FER1L5: variants seen among roughly 807,000 people sequenced by gnomAD.
The protein encoded by FER1L5 is fer-1 like family member 5.
Under a neutral mutation model 279.9 loss-of-function variants are expected in FER1L5, and 187 were observed. The observed-to-expected ratio is 0.67, with a 90% CI of 0.59 to 0.75. The LOEUF is 0.75. FER1L5 is among the 30% of genes least tolerant of loss of function. The probability of loss-of-function intolerance (pLI) is 0.00; values close to 1 mark genes in which losing one functional copy is unlikely to be tolerated. For missense variants in FER1L5, 2,091 were observed against 2,594.4 expected (o/e 0.81, Z 4.21); for synonymous variants, 921 against 989.7 (o/e 0.93, Z 1.30).
Position 96,689,464 on chromosome 2 carries a change from C to A in FER1L5, c.2525+88C>A. 1 of 1,520,536 alleles carries A rather than the reference C, an allele frequency of 6.6e-7. No homozygotes were observed. Among genetic ancestry groups the A allele is most frequent in the Non-Finnish European group, 8.8e-7 (1 of 1,130,546 alleles). 94.2% of individuals were successfully genotyped at this position (1,520,536 alleles called of 1,614,324 possible). The stretch of plus-strand genomic sequence containing the variant: ...GCAGCCCAGAAAGATGGGTACCTAG[C>A]CCCTAAGCCTGGTGCCAGAGGGCCG... On this transcript the variant is annotated intron_variant, in intron 25 of 52. Coordinates refer to ENST00000624922, the MANE Select transcript of FER1L5 (RefSeq NM_001293083.2). The surrounding 1 kb of genome is among the most constrained non-coding windows in gnomAD (Gnocchi z 4.6).
chr2:96,659,081 A>G (rs529814543), intron 9 of FER1L5, among the ~76,000 whole-genome samples: 218 of 151,550 alleles, frequency 1.4e-3, no homozygotes, highest in Non-Finnish European at 2.0e-3. Context: ...ACAGGCGCCC[A>G]CCACCACACC....
Position 96,698,576 on chromosome 2 carries a change from C to G in FER1L5, c.4357-95C>G. ...TCCCTGCCACCCTCAGCCCAACCCT[C>G]TCTCTCCTGAACATGGGCTGGGGCA... is the stretch of plus-strand genomic sequence containing the variant. On this transcript the variant is annotated intron_variant, in intron 40 of 52. Transcript: ENST00000624922. The surrounding 1 kb of genome is among the most constrained non-coding windows in gnomAD (Gnocchi z 5.5). 9.2e-7 allele frequency: 1 copy of G among 1,084,956 alleles called. No homozygotes were observed. Among genetic ancestry groups the G allele is most frequent in the Non-Finnish European group, 1.3e-6 (1 of 748,138 alleles). 67.2% of individuals were successfully genotyped at this position (1,084,956 alleles called of 1,614,324 possible). A position where few individuals can be genotyped will look rare whatever the true frequency, so the allele number is the denominator to read the frequency against.
chr2:96,703,808 CCT>C (rs1491504157), intron 51 of FER1L5, among the ~76,000 whole-genome samples, 176 bp downstream of exon 51: 1 of 124,226 alleles, frequency 8.0e-6, no homozygotes, highest in Non-Finnish European at 1.7e-5. Flanking sequence ...GCAAAAGTTG[CCT>C]TTTTTTTTTT....
At chr2:96,655,136 C>T (rs989418261) in intron 9 of FER1L5, among the ~76,000 whole-genome samples, 1 of 152,114 alleles carries the variant, frequency 6.6e-6, no homozygotes, top group African/African-American at 2.4e-5. Context: ...CAAATCTCTG[C>T]CTCCAGGAAG....
chr2:96,691,583 G>A lies in FER1L5; in HGVS notation c.3046G>A (p.Ala1016Thr), dbSNP rs939522468. ...RLAPNKDKGI[A>T]PIFLLEGSLA... The stretch of plus-strand genomic sequence containing the variant: ...GGCCCCCAACAAGGACAAGGGCATC[G>A]CGCCCATATTCCTCCTGGAGGGGTC... The change falls in exon 29 of 53, where the codon GCG becomes ACG. Residue 1016 changes from alanine (A) to threonine (T), a missense_variant. Ala to Thr is a moderately conservative substitution (Grantham distance 58). Coordinates refer to ENST00000624922, the MANE Select transcript of FER1L5 (RefSeq NM_001293083.2). This position sits in a 1 kb window ranked among gnomAD's most constrained non-coding sequence, Gnocchi z 6.0. 1.0e-4 allele frequency: 156 copies of A among 1,542,222 alleles called. No homozygotes were observed. Among genetic ancestry groups the A allele is most frequent in the Non-Finnish European group, 1.3e-4 (143 of 1,142,724 alleles).
rs1192941715 is a variant in FER1L5, at chr2:96,661,371, C to A, written c.825C>A (p.Asn275Lys). ...GGCTAGGCCTCTGCCAGCCAAATAA[C>A]CCTGGCAGTGGTGTGACAGGCTACC... The part of the protein sequence containing the change: ...RKWLGLCQPN[N>K]PGSGVTGYLK... The change falls in exon 11 of 53, where the codon AAC (asparagine) becomes AAA (lysine). Residue 275 changes from asparagine (N) to lysine (K), a missense_variant. Transcript: ENST00000624922. 5 of 1,551,524 alleles carry A rather than the reference C, an allele frequency of 3.2e-6. No homozygotes were observed. The highest frequency in any genetic ancestry group is 2.4e-5 in the East Asian group (1 of 40,930).
chr2:96,659,392 T>TCCTTC, intron 9 of FER1L5, among the ~76,000 whole-genome samples: 1 of 8,332 alleles, frequency 1.2e-4, no homozygotes, highest in Non-Finnish European at 1.8e-4. Context: ...TTTCTTTCTT[T>TCCTTC]CTTTCTTTCT....
In FER1L5 at chr2:96,691,588, C is replaced by T. The variant is rs1339228668; in HGVS notation, c.3051C>T (p.Pro1017=). The change falls in exon 29 of 53, where the codon CCC becomes CCT. Residue 1017 remains proline, a synonymous_variant. Coordinates refer to ENST00000624922, the MANE Select transcript of FER1L5 (RefSeq NM_001293083.2). The surrounding 1 kb of genome is among the most constrained non-coding windows in gnomAD (Gnocchi z 6.0). ...LAPNKDKGIA[P]IFLLEGSLAM... ...CCAACAAGGACAAGGGCATCGCGCC[C>T]ATATTCCTCCTGGAGGGGTCCTTGG... 2 of 1,538,698 alleles carry T rather than the reference C, an allele frequency of 1.3e-6. No individual in the cohort carries two copies. The highest frequency in any genetic ancestry group is 1.4e-5 in the African/African-American group (1 of 72,656).
At chr2:96,699,445 T>A in intron 42 of FER1L5, 105 bp from the exon 43 acceptor site, 1 of 1,299,540 alleles carries the variant, frequency 7.7e-7, no homozygotes, top group South Asian at 1.4e-5. Flanking sequence ...CTCTCCACAA[T>A]CTCCATGAAC....
At chr2:96,685,736 G>A (rs1358955980) in intron 21 of FER1L5, among the ~76,000 whole-genome samples, 7 of 152,204 alleles carry the variant, frequency 4.6e-5, no homozygotes, top group Admixed American at 4.6e-4. Flanking sequence ...GAGGAAGGGA[G>A]AGGACTGGAT....
chr2:96,696,670 G>A (rs1374889536), intron 37 of FER1L5, among the ~76,000 whole-genome samples: 2 of 152,140 alleles, frequency 1.3e-5, no homozygotes, highest in African/African-American at 2.4e-5. Flanking sequence ...GGAGGCTGAG[G>A]CGGGCATGTT....
At position 96,698,186 on chromosome 2, in the gene FER1L5, T is replaced by C. The variant is rs2077454434; in HGVS notation, c.4356+30T>C. The C allele has an allele frequency of 6.5e-6, 10 of 1,545,494 alleles. No individual in the cohort carries two copies. The highest frequency in any genetic ancestry group is 2.5e-5 in the East Asian group (1 of 40,754). On this transcript the variant is annotated intron_variant, in intron 40 of 52. Coordinates refer to ENST00000624922, the MANE Select transcript of FER1L5 (RefSeq NM_001293083.2). The surrounding 1 kb of genome is among the most constrained non-coding windows in gnomAD (Gnocchi z 5.5). ...GTGTCCACCCCAGCTTAGCTGCCCC[T>C]GTCTCCTTGTGCACCTTCTGTCCCT... is the stretch of plus-strand genomic sequence containing the variant.
chr2:96,654,647 C>T (rs1334626085), intron 9 of FER1L5, 151 bp downstream of exon 9: 6 of 376,852 alleles, frequency 1.6e-5, no homozygotes, highest in African/African-American at 1.2e-4. Context: ...CACCTGTAAT[C>T]CCAGCACTTT....
At chr2:96,697,455 C>G in intron 37 of FER1L5, 71 bp from the exon 38 acceptor site, 1 of 1,553,728 alleles carries the variant, frequency 6.4e-7, no homozygotes, top group Non-Finnish European at 8.8e-7. Context: ...GCCTCAACCC[C>G]CCTCTCCTCT....
At chr2:96,700,509 AG>A in intron 45 of FER1L5, 38 bp downstream of exon 45, 1 of 1,609,982 alleles carries the variant, frequency 6.2e-7, no homozygotes. Flanking sequence ...CTCCTACAGG[AG>A]GAGCTAGATC....
intron 9 of FER1L5, 37 bp downstream of exon 9, chr2:96,654,533 G>A: frequency 2.5e-6 from 1 of 398,892 alleles, no homozygotes; most frequent in Non-Finnish European, 4.4e-6. Context: ...CAGTGAAACA[G>A]TTATTAAAAC....
intron 30 of FER1L5, 53 bp downstream of exon 30, chr2:96,692,016 G>A: frequency 7.4e-7 from 1 of 1,351,188 alleles, no homozygotes; most frequent in South Asian, 1.3e-5. Flanking sequence ...CAGTACCCGA[G>A]GGCGGGGGGG....
intron 10 of FER1L5, among the ~76,000 whole-genome samples, chr2:96,661,026 G>A (rs1286371889): frequency 1.3e-5 from 2 of 152,162 alleles, no homozygotes; most frequent in Non-Finnish European, 2.9e-5. Flanking sequence ...ACATACACTA[G>A]GTTGAGGAAA....
At position 96,700,415 on chromosome 2, in the gene FER1L5, C is replaced by G; in HGVS notation, c.5014C>G (p.Pro1672Ala). 6.2e-7 allele frequency: 1 copy of G among 1,613,844 alleles called. No homozygotes were observed. The highest frequency in any genetic ancestry group is 8.5e-7 in the Non-Finnish European group (1 of 1,179,882). ...CCTCCTGCACACCCAGGGGCTGGTA[C>G]CTGAGCACGTGGAGACCCGCACACT... Reference protein sequence around the residue: ...LYLLHTQGLVPEHVETRTLYS... With the variant: ...LYLLHTQGLVAEHVETRTLYS... Residue 1672 changes from proline to alanine, a missense_variant, in exon 45 of 53, where the codon CCT becomes GCT. By Grantham distance (27) the Pro-to-Ala change is conservative. Coordinates refer to ENST00000624922, the MANE Select transcript of FER1L5 (RefSeq NM_001293083.2).
Sources: gnomAD v4.1 joint callset for allele counts (sites outside exome capture counted in the v4.1 genomes callset) on GRCh38, gnomAD v4.1.1 for gene constraint, Gnocchi (gnomAD v3.1) non-coding constraint, MANE v1.5 for transcripts, NCBI Gene and HGNC (gene_info 2026-07-23, HGNC 2026-07-21) for gene names.